STXBP4: variants seen among roughly 807,000 people sequenced by gnomAD.
STXBP4 encodes syntaxin-binding protein 4.
In STXBP4, 55 loss-of-function variants were observed where a neutral mutation model predicts 76.1. The ratio of observed to expected loss-of-function variants is 0.72; its 90% CI spans 0.58 to 0.91. The LOEUF is 0.91. Ranked by LOEUF, STXBP4 falls within the 40% of genes least tolerant of loss-of-function variation. The pLI is 0.00. For missense variants in STXBP4, 618 were observed against 636.9 expected (o/e 0.97, Z 0.32); for synonymous variants, 201 against 220.2 (o/e 0.91, Z 0.77).
At chr17:55,156,209 C>CAT (rs2145187928) in intron 17 of STXBP4, among the ~76,000 whole-genome samples, 1 of 152,258 alleles carries the variant, frequency 6.6e-6, no homozygotes, top group South Asian at 2.1e-4. Flanking sequence ...TTTATAGCAA[C>CAT]ATCTCCCTTT....
chr17:55,087,221 G>C (rs1255827356), intron 16 of STXBP4, among the ~76,000 whole-genome samples: 3 of 152,098 alleles, frequency 2.0e-5, no homozygotes, highest in Admixed American at 6.6e-5. Flanking sequence ...AATTCTATAG[G>C]TTGTCTTTTC....
chr17:55,072,015 A>G (rs1403204120), intron 12 of STXBP4, among the ~76,000 whole-genome samples: 2 of 152,144 alleles, frequency 1.3e-5, no homozygotes, highest in African/African-American at 2.4e-5. Context: ...CCCTCCAAGT[A>G]CATTTTGATA....
the STXBP4 span, among the ~76,000 whole-genome samples, chr17:55,198,943 G>T: frequency 1.3e-5 from 2 of 152,234 alleles, no homozygotes; most frequent in Non-Finnish European, 2.9e-5. Context: ...TCACTCTTTG[G>T]AGTACTATAA....
the STXBP4 span, among the ~76,000 whole-genome samples, chr17:55,188,094 T>C: frequency 6.6e-6 from 1 of 152,170 alleles, no homozygotes; most frequent in Non-Finnish European, 1.5e-5. Context: ...TTTGAAACCA[T>C]CACTAGATAC....
chr17:55,028,155 T>C (rs1051956395), intron 8 of STXBP4, among the ~76,000 whole-genome samples: 2 of 152,056 alleles, frequency 1.3e-5, no homozygotes, highest in African/African-American at 2.4e-5. Flanking sequence ...TGTATTAATA[T>C]TTTATAATTT....
the STXBP4 span, among the ~76,000 whole-genome samples, chr17:55,208,400 A>G: frequency 1.3e-5 from 2 of 152,060 alleles, no homozygotes. Flanking sequence ...GGGTTGGGAG[A>G]TCATATAATT....
At chr17:55,048,657 A>G (rs1173730437) in intron 12 of STXBP4, among the ~76,000 whole-genome samples, 1 of 151,908 alleles carries the variant, frequency 6.6e-6, no homozygotes, top group Non-Finnish European at 1.5e-5. Context: ...ATGAGAGTTG[A>G]TAAAACTTAG....
At chr17:55,101,789 T>G (rs1240784630) in intron 16 of STXBP4, among the ~76,000 whole-genome samples, 1 of 152,198 alleles carries the variant, frequency 6.6e-6, no homozygotes. Context: ...TGAATTCTGA[T>G]TACTTCATAG....
In STXBP4 at chr17:55,106,947, T is replaced by A. The variant is rs1478949388; in HGVS notation, c.1489+25764T>A. On this transcript the variant is annotated intron_variant, in intron 16 of 17. Coordinates refer to ENST00000376352, the MANE Select transcript of STXBP4 (RefSeq NM_178509.6). ...CTCTTCTTGAGGAGTATCTTTGTGG[T>A]GTTCTCTGTATTTCCTGAATTTGAA... Among the ~76,000 whole-genome samples the A allele has an allele frequency of 2.6e-5, 4 of 152,326 alleles. No individual in the cohort carries two copies. In the South Asian group the frequency reaches 8.3e-4, roughly 32 times the overall value.
chr17:55,000,653 T>A (rs1218825179), intron 6 of STXBP4, among the ~76,000 whole-genome samples, 155 bp from the exon 7 acceptor site: 1 of 152,206 alleles, frequency 6.6e-6, no homozygotes, highest in Non-Finnish European at 1.5e-5. Flanking sequence ...AATTCTGAAT[T>A]GCTTTGTTTG....
Position 54,999,467 on chromosome 17 carries a change from A to C in STXBP4, c.287+16A>C, listed in dbSNP as rs1378019677. ...CCAAGTTGAGGTAACTATACTATCC[A>C]TGAGATAGAATGAGTCATTTAGAAT... On this transcript the variant is annotated intron_variant, in intron 5 of 17. Coordinates refer to ENST00000376352, the MANE Select transcript of STXBP4 (RefSeq NM_178509.6). The C allele has an allele frequency of 1.9e-6, 3 of 1,568,236 alleles. No individual in the cohort carries two copies. The highest frequency in any genetic ancestry group is 2.6e-6 in the Non-Finnish European group (3 of 1,147,010).
chr17:55,157,836 C>T (rs2080298137), intron 17 of STXBP4, among the ~76,000 whole-genome samples: 1 of 152,076 alleles, frequency 6.6e-6, no homozygotes, highest in Non-Finnish European at 1.5e-5. Context: ...TAATCAGTAG[C>T]CAATAAAGTG....
the STXBP4 span, among the ~76,000 whole-genome samples, chr17:55,183,088 C>T: frequency 1.3e-5 from 2 of 152,046 alleles, no homozygotes; most frequent in Non-Finnish European, 2.9e-5. Context: ...TATCTCTAAA[C>T]CTATTGATAG....
intron 16 of STXBP4, among the ~76,000 whole-genome samples, chr17:55,084,982 G>A (rs938136674): frequency 4.6e-5 from 7 of 152,130 alleles, no homozygotes; most frequent in African/African-American, 1.7e-4. Flanking sequence ...ATGATAGACT[G>A]GATTAAGAAA....
At chr17:55,002,259 T>A (rs529603023) in intron 7 of STXBP4, among the ~76,000 whole-genome samples, 1 of 152,136 alleles carries the variant, frequency 6.6e-6, no homozygotes, top group African/African-American at 2.4e-5. Flanking sequence ...TTAATAATTA[T>A]ATAACATGTT....
chr17:55,194,437 A>G, the STXBP4 span, among the ~76,000 whole-genome samples: 1 of 152,214 alleles, frequency 6.6e-6, no homozygotes, highest in African/African-American at 2.4e-5. Context: ...TGAGGAATCT[A>G]GAGCTCCTCC....
At chr17:55,090,734 A>C (rs1043548643) in intron 16 of STXBP4, among the ~76,000 whole-genome samples, 10 of 152,196 alleles carry the variant, frequency 6.6e-5, no homozygotes, top group African/African-American at 2.4e-4. Context: ...CAGGAAATAC[A>C]GCTCTCAAGA....
At chr17:55,086,231 A>G (rs913511578) in intron 16 of STXBP4, among the ~76,000 whole-genome samples, 2 of 152,134 alleles carry the variant, frequency 1.3e-5, no homozygotes, top group African/African-American at 4.8e-5. Flanking sequence ...TAATTATGCA[A>G]TCAGGTTTTT....
At chr17:54,977,341 C>A (rs1333894356) in intron 1 of STXBP4, among the ~76,000 whole-genome samples, 2 of 152,198 alleles carry the variant, frequency 1.3e-5, no homozygotes, top group African/African-American at 2.4e-5. Context: ...ATTAGGCCTA[C>A]AATGGCTGTG....
Sources: gnomAD v4.1 joint callset for allele counts (sites outside exome capture counted in the v4.1 genomes callset) on GRCh38, gnomAD v4.1.1 for gene constraint, MANE v1.5 for transcripts, NCBI Gene and HGNC (gene_info 2026-07-23, HGNC 2026-07-21) for gene names.